EYA1: variants seen among roughly 807,000 people sequenced by gnomAD.
EYA1 encodes protein phosphatase EYA1.
In EYA1, 16 loss-of-function variants were observed where a neutral mutation model predicts 82.0. The ratio of observed to expected loss-of-function variants is 0.20; its 90% confidence interval spans 0.13 to 0.30. The LOEUF is 0.30. Ranked by LOEUF, EYA1 falls within the 10% of genes least tolerant of loss-of-function variation. The pLI is 1.00. For synonymous variants in EYA1, 261 were observed against 264.4 expected (o/e 0.99, Z 0.12); for missense variants, 633 against 730.7 (o/e 0.87, Z 1.54).
At chr8:71,235,853 G>T (rs1811766068) in intron 12 of EYA1, among the ~76,000 whole-genome samples, 1 of 152,196 alleles carries the variant, frequency 6.6e-6, no homozygotes, top group South Asian at 2.1e-4. Flanking sequence ...CCAACACCCA[G>T]AAATAACCAC....
chr8:71,339,805 CT>C, intron 3 of EYA1, among the ~76,000 whole-genome samples: 1 of 152,292 alleles, frequency 6.6e-6, no homozygotes, highest in East Asian at 1.9e-4. Flanking sequence ...CTTGATACTT[CT>C]TTTTATCATT....
Position 71,304,940 on chromosome 8 carries a change from G to T in EYA1, c.557-5220C>A, listed in dbSNP as rs915959134. The stretch of plus-strand genomic sequence containing the variant: ...CCCAGAAAGCTTCAGTGTATGGGCT[G>T]CTAGACTCACTTGCAGGCTTAGCAA... On this transcript the variant is annotated intron_variant, in intron 7 of 17. Coordinates refer to ENST00000340726, the MANE Select transcript of EYA1 (RefSeq NM_000503.6). 2.8e-5 allele frequency among the ~76,000 whole-genome samples: 4 copies of T among 143,002 alleles called. 1 individual carries two copies. Among genetic ancestry groups the T allele is most frequent in the Admixed American group, 2.1e-4 (3 of 14,454 alleles). The allele number at this position is 143,002 out of a possible 152,430, so 93.8% of individuals were successfully genotyped here. A position where few individuals can be genotyped will look rare whatever the true frequency, so the allele number is the denominator to read the frequency against.
intron 9 of EYA1, among the ~76,000 whole-genome samples, chr8:71,295,700 C>T (rs987206752): frequency 6.6e-6 from 1 of 152,230 alleles, no homozygotes; most frequent in Non-Finnish European, 1.5e-5. Context: ...TATGATCCAG[C>T]AATCACACTC....
At chr8:71,240,170 A>G (rs1203647795) in intron 12 of EYA1, among the ~76,000 whole-genome samples, 1 of 152,084 alleles carries the variant, frequency 6.6e-6, no homozygotes, top group African/African-American at 2.4e-5. Context: ...CTCCTTTTAC[A>G]TAATGCTATT....
intron 2 of EYA1, among the ~76,000 whole-genome samples, chr8:71,396,664 T>TA (rs1829636933): frequency 6.6e-6 from 1 of 152,212 alleles, no homozygotes; most frequent in Non-Finnish European, 1.5e-5. Context: ...GACAGTTTGT[T>TA]ATAATTTCTG....
chr8:71,282,322 CCT>C (rs1817901412), intron 9 of EYA1, among the ~76,000 whole-genome samples: 1 of 152,162 alleles, frequency 6.6e-6, no homozygotes, highest in African/African-American at 2.4e-5. Context: ...TAGATTCTGC[CCT>C]CTTTCTCTAC....
At chr8:71,453,288 G>T (rs888080869) in intron 2 of EYA1, among the ~76,000 whole-genome samples, 6 of 152,150 alleles carry the variant, frequency 3.9e-5, no homozygotes, top group Non-Finnish European at 1.5e-5. Flanking sequence ...CCAACTCTAC[G>T]TCTAATTGGT....
chr8:71,290,961 A>C (rs754899325), intron 9 of EYA1, among the ~76,000 whole-genome samples: 27 of 152,232 alleles, frequency 1.8e-4, no homozygotes, highest in Admixed American at 4.6e-4. Flanking sequence ...CATTAGTTAA[A>C]ATTGTTTTGC....
intron 2 of EYA1, among the ~76,000 whole-genome samples, chr8:71,398,481 G>A (rs1829762813): frequency 6.6e-6 from 1 of 152,160 alleles, no homozygotes; most frequent in African/African-American, 2.4e-5. Flanking sequence ...GTTTTGGTGT[G>A]GATGTCCTTT....
chr8:71,453,672 G>A (rs1022163826), intron 2 of EYA1, among the ~76,000 whole-genome samples: 2 of 152,130 alleles, frequency 1.3e-5, no homozygotes, highest in African/African-American at 4.8e-5. Flanking sequence ...GCCAAACTAA[G>A]CTTCATAAGT....
intron 2 of EYA1, among the ~76,000 whole-genome samples, chr8:71,385,069 G>A (rs993056944): frequency 1.3e-5 from 2 of 151,810 alleles, no homozygotes; most frequent in Non-Finnish European, 2.9e-5. Flanking sequence ...GAGTGCAGTG[G>A]CGTAATCTTG....
intron 9 of EYA1, among the ~76,000 whole-genome samples, chr8:71,273,689 C>A (rs10504504): frequency 6.6e-6 from 1 of 152,154 alleles, no homozygotes; most frequent in Non-Finnish European, 1.5e-5. Context: ...TAATATGTTT[C>A]GATACCAAGC....
chr8:71,205,599 T>C (rs1807663769), intron 17 of EYA1, among the ~76,000 whole-genome samples: 1 of 152,198 alleles, frequency 6.6e-6, no homozygotes, highest in Non-Finnish European at 1.5e-5. Context: ...TAACTTCTTC[T>C]CTTTGAAGGA....
intron 11 of EYA1, among the ~76,000 whole-genome samples, chr8:71,263,856 T>C (rs1306244177): frequency 6.6e-6 from 1 of 152,216 alleles, no homozygotes. Context: ...TGGGGTATGG[T>C]CTGTCAATCC....
chr8:71,299,348 G>A (rs1324609392), intron 8 of EYA1, 115 bp from the exon 9 acceptor site: 27 of 1,013,818 alleles, frequency 2.7e-5, no homozygotes, highest in Middle Eastern at 2.6e-4. Flanking sequence ...GAATTCACAC[G>A]GGGGCATACA....
intron 17 of EYA1, among the ~76,000 whole-genome samples, chr8:71,210,284 T>G (rs1218329601): frequency 2.6e-5 from 4 of 152,170 alleles, no homozygotes; most frequent in African/African-American, 9.7e-5. Context: ...GTACATGAAT[T>G]AAATTTTGCA....
intron 12 of EYA1, among the ~76,000 whole-genome samples, chr8:71,241,907 A>G (rs1004421075): frequency 1.3e-5 from 2 of 152,122 alleles, no homozygotes; most frequent in African/African-American, 4.8e-5. Flanking sequence ...TTTCAAAAAT[A>G]TAAAATAAAA....
At chr8:71,342,946 T>A (rs2129055017) in intron 3 of EYA1, among the ~76,000 whole-genome samples, 1 of 152,344 alleles carries the variant, frequency 6.6e-6, no homozygotes, top group East Asian at 1.9e-4. Flanking sequence ...CTAAATTAAA[T>A]ATTTTGTTTG....
intron 11 of EYA1, among the ~76,000 whole-genome samples, chr8:71,259,149 C>CT (rs1814796153): frequency 1.3e-5 from 2 of 152,158 alleles, no homozygotes; most frequent in African/African-American, 2.4e-5. Context: ...AACAAAATAC[C>CT]TTTTTTACCC....
Sources: gnomAD v4.1 joint callset for allele counts (sites outside exome capture counted in the v4.1 genomes callset) on GRCh38, gnomAD v4.1.1 for gene constraint, MANE v1.5 for transcripts, NCBI Gene and HGNC (gene_info 2026-07-23, HGNC 2026-07-21) for gene names.